Variants in DCDC1 observed in about 807,000 individuals in gnomAD.
DCDC1 encodes doublecortin domain containing 1, also known as doublecortin domain-containing protein 1.
A neutral mutation model predicts 178.3 loss-of-function variants in DCDC1; 200 were observed. The ratio of observed to expected loss-of-function variants is 1.12; its 90% CI spans 1.00 to 1.26. The LOEUF (loss-of-function observed/expected upper bound fraction) is 1.26. Ranked by LOEUF, DCDC1 falls within the 50% of genes most tolerant of loss-of-function variation. The pLI is 0.00. For synonymous variants in DCDC1, 690 were observed against 604.8 expected (o/e 1.14, Z -2.07); for missense variants, 1,983 against 1,749.2 (o/e 1.13, Z -2.38).
Position 30,908,946 on chromosome 11 carries a change from T to C in DCDC1, c.3918A>G (p.Pro1306=). The C allele has an allele frequency of 6.3e-7, 1 of 1,593,574 alleles. No homozygotes were observed. Among genetic ancestry groups the C allele is most frequent in the Non-Finnish European group, 8.6e-7 (1 of 1,168,612 alleles). ...SVIKEENIDQ[P]GYCYLSPDGK... ...TCTTTGAGAGGAAGGAACCACTTAC[T>C]GGTTGATCAATGTTTTCTTCTTTAA... is the stretch of plus-strand genomic sequence containing the variant. Residue 1306 remains proline, a splice_region_variant and synonymous_variant, in exon 29 of 39, where the codon CCA becomes CCG. Coordinates refer to ENST00000684477, the MANE Select transcript of DCDC1 (RefSeq NM_001387274.1).
At chr11:30,976,446 T>A (rs1950106095) in intron 20 of DCDC1, among the ~76,000 whole-genome samples, 1 of 151,902 alleles carries the variant, frequency 6.6e-6, no homozygotes, top group Admixed American at 6.6e-5. Flanking sequence ...GACAAGGGGC[T>A]GATATCCAGA....
chr11:31,361,859 C>A (rs546224194), intron 1 of DCDC1, among the ~76,000 whole-genome samples: 4 of 152,266 alleles, frequency 2.6e-5, no homozygotes, highest in South Asian at 4.1e-4. Flanking sequence ...CCAAATCCAA[C>A]GCAGGAACTA....
chr11:31,328,190 T>G lies in DCDC1; in HGVS notation c.91A>C (p.Ser31Arg). 2 of 1,612,818 alleles carry G rather than the reference T, an allele frequency of 1.2e-6. No homozygotes were observed. Among genetic ancestry groups the G allele is most frequent in the Non-Finnish European group, 1.7e-6 (2 of 1,179,088 alleles). The change falls in exon 3 of 39, where the codon AGT (serine) becomes CGT (arginine). Residue 31 changes from serine to arginine, a missense_variant. Ser to Arg is a moderately radical substitution (Grantham distance 110). Coordinates refer to ENST00000684477, the MANE Select transcript of DCDC1 (RefSeq NM_001387274.1). ...CCATCCAAAGTGCCTTCAGGGCTAC[T>G]TTGCTGTAATACTTCCATTGCTTCA... ...LTEAMEVLQQ[S>R]SPEGTLDGNT...
At chr11:31,304,682 C>T (rs1948337933) in intron 6 of DCDC1, among the ~76,000 whole-genome samples, 1 of 152,208 alleles carries the variant, frequency 6.6e-6, no homozygotes, top group South Asian at 2.1e-4. Flanking sequence ...TCCAGAATTA[C>T]TTTTCTTCTA....
At chr11:31,134,943 C>G (rs2135981716) in intron 10 of DCDC1, among the ~76,000 whole-genome samples, 2 of 152,256 alleles carry the variant, frequency 1.3e-5, no homozygotes, top group South Asian at 4.1e-4. Flanking sequence ...CTGCAGTGAG[C>G]TATGATCACA....
rs1272349815 is a variant in DCDC1 at position 31,305,624 on chromosome 11, T to G, written c.745A>C (p.Lys249Gln). Residue 249 changes from lysine (K) to glutamine (Q), a missense_variant, in exon 6 of 39, where the codon AAA becomes CAA. Physicochemically the swap from Lys to Gln is moderately conservative, Grantham distance 53. Coordinates refer to ENST00000684477, the MANE Select transcript of DCDC1 (RefSeq NM_001387274.1). ...TGEPFLNPFK[K>Q]IKDHLLLIKK... ...TTTAGATCTTTTTTACCTTTAATTT[T>G]TTTGAATGGATTTAAAAAGGGCTCT... 2.5e-6 allele frequency: 4 copies of G among 1,613,512 alleles called. No individual in the cohort carries two copies. In the Admixed American group the frequency reaches 6.7e-5, roughly 27 times the overall value.
intron 6 of DCDC1, among the ~76,000 whole-genome samples, chr11:31,296,219 T>C (rs765585035): frequency 2.0e-5 from 3 of 152,220 alleles, no homozygotes; most frequent in Non-Finnish European, 2.9e-5. Flanking sequence ...TCCTTTTTCC[T>C]AACCTTATGT....
intron 3 of DCDC1, among the ~76,000 whole-genome samples, chr11:31,311,030 C>T (rs142232683): frequency 7.9e-5 from 12 of 152,258 alleles, no homozygotes; most frequent in Admixed American, 4.6e-4. Flanking sequence ...ATCATTATTG[C>T]CTGATTTACC....
chr11:31,290,546 C>T (rs531251815), intron 7 of DCDC1, 101 bp downstream of exon 7: 62 of 1,245,336 alleles, frequency 5.0e-5, no homozygotes, highest in Admixed American at 8.5e-5. Context: ...GTTAATATTT[C>T]TATTTGTTGG....
intron 20 of DCDC1, among the ~76,000 whole-genome samples, chr11:31,044,206 G>T (rs913870443): frequency 1.3e-5 from 2 of 152,078 alleles, no homozygotes; most frequent in African/African-American, 2.4e-5. Flanking sequence ...GGCCGGGCAC[G>T]GTGGCTCACG....
intron 32 of DCDC1, 52 bp downstream of exon 32, chr11:30,903,430 T>G: frequency 1.4e-6 from 2 of 1,420,600 alleles, no homozygotes. Context: ...GTTTAACGTT[T>G]TCATGATCAA....
intron 20 of DCDC1, among the ~76,000 whole-genome samples, chr11:30,971,768 C>A (rs1310654985): frequency 1.3e-5 from 2 of 151,898 alleles, no homozygotes; most frequent in African/African-American, 4.8e-5. Context: ...CGCCACCACG[C>A]CCAGCTAATT....
At chr11:31,222,801 T>C (rs1281446516) in intron 9 of DCDC1, among the ~76,000 whole-genome samples, 1 of 151,938 alleles carries the variant, frequency 6.6e-6, no homozygotes, top group African/African-American at 2.4e-5. Flanking sequence ...ATCAGGGCCC[T>C]ACCCTTATGA....
At chr11:31,014,790 A>C (rs1952383007) in intron 20 of DCDC1, among the ~76,000 whole-genome samples, 1 of 152,058 alleles carries the variant, frequency 6.6e-6, no homozygotes, top group Non-Finnish European at 1.5e-5. Context: ...GTTGTATCCA[A>C]GCACTACTTT....
intron 9 of DCDC1, among the ~76,000 whole-genome samples, chr11:31,161,041 G>A (rs1966275127): frequency 6.6e-6 from 1 of 152,058 alleles, no homozygotes; most frequent in South Asian, 2.1e-4. Context: ...AACATTGCAG[G>A]AATTTTTTAA....
chr11:31,354,217 C>T (rs1316953963), intron 1 of DCDC1, among the ~76,000 whole-genome samples: 3 of 152,150 alleles, frequency 2.0e-5, no homozygotes, highest in South Asian at 4.2e-4. Flanking sequence ...ACCTGGGAGG[C>T]GGAGGTTGCA....
intron 9 of DCDC1, among the ~76,000 whole-genome samples, chr11:31,229,433 T>C (rs1975467840): frequency 6.6e-6 from 1 of 152,134 alleles, no homozygotes; most frequent in African/African-American, 2.4e-5. Flanking sequence ...GAACAAGTAA[T>C]GTTTATCTCA....
chr11:31,269,679 C>T (rs1159063949), intron 7 of DCDC1, among the ~76,000 whole-genome samples: 1 of 152,130 alleles, frequency 6.6e-6, no homozygotes. Context: ...AACCACTGCA[C>T]CTGGCCTGTT....
chr11:31,256,672 T>C (rs556591285), intron 8 of DCDC1, among the ~76,000 whole-genome samples: 1 of 152,284 alleles, frequency 6.6e-6, no homozygotes, highest in South Asian at 2.1e-4. Flanking sequence ...TATTGGGTCA[T>C]GTAGTTGAAT....
Sources: gnomAD v4.1 joint callset for allele counts (sites outside exome capture counted in the v4.1 genomes callset) on GRCh38, gnomAD v4.1.1 for gene constraint, MANE v1.5 for transcripts, NCBI Gene and HGNC (gene_info 2026-07-23, HGNC 2026-07-21) for gene names.